UNC13C: variants seen among roughly 807,000 people sequenced by gnomAD.
The protein encoded by UNC13C is protein unc-13 homolog C.
Under a neutral mutation model 245.4 loss-of-function variants are expected in UNC13C, and 174 were observed. The observed-to-expected ratio is 0.71, with a 90% CI of 0.63 to 0.80. The LOEUF is 0.80. Ranked by LOEUF, UNC13C falls within the 30% of genes least tolerant of loss-of-function variation. The pLI is 0.00. For synonymous variants in UNC13C, 992 were observed against 895.1 expected, an observed-to-expected ratio of 1.11 and a Z score of -1.93; for missense variants, 2,829 against 2,602.9, an observed-to-expected ratio of 1.09 and a Z score of -1.89.
At chr15:54,381,484 G>A (rs2039723522) in intron 17 of UNC13C, among the ~76,000 whole-genome samples, 1 of 151,974 alleles carries the variant, frequency 6.6e-6, no homozygotes, top group South Asian at 2.1e-4. Context: ...CTCAATTTCT[G>A]TGAAGAATGC....
At chr15:54,631,708 A>G (rs1901460209), downstream of UNC13C, 1 of 152,200 alleles carries the variant, frequency 6.6e-6, no homozygotes, top group Non-Finnish European at 1.5e-5. Flanking sequence ...GTTGAATAGT[A>G]CTGCACTGTA....
At chr15:54,352,263 A>G (rs1285541967) in intron 17 of UNC13C, among the ~76,000 whole-genome samples, 1 of 148,152 alleles carries the variant, frequency 6.7e-6, no homozygotes, top group Non-Finnish European at 1.5e-5. Flanking sequence ...TTATACAAAT[A>G]TATAACACAT....
At chr15:54,340,475 T>G (rs565148743) in intron 17 of UNC13C, among the ~76,000 whole-genome samples, 1 of 152,196 alleles carries the variant, frequency 6.6e-6, no homozygotes, top group Non-Finnish European at 1.5e-5. Flanking sequence ...AGATGAGAGA[T>G]GAAGATCCAG....
rs564255825 is a variant in UNC13C at position 54,461,881 on chromosome 15, A to C, written c.4934-32727A>C. On this transcript the variant is annotated intron_variant, in intron 19 of 32. Coordinates refer to ENST00000260323, the MANE Select transcript of UNC13C (RefSeq NM_001080534.3). ...GGTTGTTCAATGTTTGAAGAAAAAG[A>C]AGAATACTGGTATGAAATAATAACT... Among the ~76,000 whole-genome samples, 3 of 152,318 alleles carry C rather than the reference A, an allele frequency of 2.0e-5. No homozygotes were observed. The South Asian group carries it at 6.2e-4, about 32-fold the overall frequency.
intron 2 of UNC13C, among the ~76,000 whole-genome samples, chr15:54,110,713 GT>G (rs532379967): frequency 5.9e-5 from 9 of 151,846 alleles, no homozygotes; most frequent in African/African-American, 2.2e-4. Context: ...ATCAAAGTTG[GT>G]TTTTTTTGTG....
In UNC13C at chr15:54,622,411, C is replaced by G. The variant is rs1196884537; in HGVS notation, c.6191C>G (p.Thr2064Ser). 3.1e-6 allele frequency: 5 copies of G among 1,611,672 alleles called. No individual in the cohort carries two copies. Among genetic ancestry groups the G allele is most frequent in the African/African-American group, 2.7e-5 (2 of 74,818 alleles). ...ATPGTGDHKVTVKVIAINDLN... is the reference protein window; with the variant it reads ...ATPGTGDHKVSVKVIAINDLN... ...CCAGGAACGGGAGATCATAAAGTCA[C>G]TGTAAAAGGTATACTTCTGGTCTAG... The change falls in exon 31 of 33, where the codon ACT becomes AGT. Residue 2064 changes from threonine to serine, a missense_variant. Physicochemically the swap from Thr to Ser is moderately conservative, Grantham distance 58. Coordinates refer to ENST00000260323, the MANE Select transcript of UNC13C (RefSeq NM_001080534.3).
intron 10 of UNC13C, among the ~76,000 whole-genome samples, chr15:54,274,666 A>ATTTTTTT (rs1567151983): frequency 2.8e-4 from 22 of 78,260 alleles, no homozygotes; most frequent in African/African-American, 5.7e-4. Flanking sequence ...AATAAAGTAG[A>ATTTTTTT]CTTTTTTTTT....
chr15:53,861,298 A>G, the UNC13C span, among the ~76,000 whole-genome samples: 4 of 152,168 alleles, frequency 2.6e-5, no homozygotes, highest in Non-Finnish European at 4.4e-5. Flanking sequence ...CGAATCAAGT[A>G]TGTTTTATTA....
At chr15:54,293,147 TGGTTCAATAA>T (rs1374971107) in intron 10 of UNC13C, among the ~76,000 whole-genome samples, 11 of 151,810 alleles carry the variant, frequency 7.2e-5, no homozygotes, top group Non-Finnish European at 1.5e-4. Flanking sequence ...TGCAACTAAA[TGGTTCAATAA>T]GTTGCAGGAA....
intron 4 of UNC13C, among the ~76,000 whole-genome samples, chr15:54,220,032 G>C (rs2035173431): frequency 7.1e-6 from 1 of 140,958 alleles, no homozygotes; most frequent in African/African-American, 3.0e-5. Context: ...GTGGAAGTCA[G>C]TGTGGCGATT....
intron 30 of UNC13C, among the ~76,000 whole-genome samples, chr15:54,591,650 C>G (rs1284105785): frequency 1.3e-5 from 2 of 151,976 alleles, no homozygotes. Context: ...TGTTTTGTAT[C>G]TCAGTGAGGT....
the UNC13C span, among the ~76,000 whole-genome samples, chr15:53,955,397 G>A: frequency 1.3e-5 from 2 of 152,046 alleles, no homozygotes; most frequent in Non-Finnish European, 2.9e-5. Flanking sequence ...ATTATGAGAT[G>A]GGGTTATTAA....
At chr15:54,193,745 C>G (rs1056237175) in intron 4 of UNC13C, among the ~76,000 whole-genome samples, 1 of 152,190 alleles carries the variant, frequency 6.6e-6, no homozygotes, top group South Asian at 2.1e-4. Context: ...AAGGCCATCT[C>G]TTAAGAGAAA....
intron 19 of UNC13C, among the ~76,000 whole-genome samples, chr15:54,483,591 C>T (rs528746441): frequency 6.6e-6 from 1 of 152,048 alleles, no homozygotes; most frequent in Non-Finnish European, 1.5e-5. Context: ...CACCTCCCGG[C>T]TTCAAGCCAT....
intron 2 of UNC13C, among the ~76,000 whole-genome samples, chr15:54,052,973 G>A (rs531533938): frequency 1.4e-4 from 22 of 152,228 alleles, no homozygotes; most frequent in Admixed American, 1.4e-3. Flanking sequence ...TAGAAATCCA[G>A]TTGACTCTTA....
intron 30 of UNC13C, among the ~76,000 whole-genome samples, chr15:54,583,354 G>A (rs890651963): frequency 6.6e-6 from 1 of 152,090 alleles, no homozygotes; most frequent in Non-Finnish European, 1.5e-5. Flanking sequence ...ATATTTTCAT[G>A]TAGACTGCAC....
the UNC13C span, among the ~76,000 whole-genome samples, chr15:53,939,927 T>A: frequency 2.6e-5 from 4 of 152,058 alleles, no homozygotes; most frequent in Non-Finnish European, 5.9e-5. Flanking sequence ...GGGTTTATAT[T>A]GGGGAGAGAG....
At chr15:54,018,762 T>TA (rs1420142400) in intron 2 of UNC13C, among the ~76,000 whole-genome samples, 1 of 152,228 alleles carries the variant, frequency 6.6e-6, no homozygotes, top group Non-Finnish European at 1.5e-5. Flanking sequence ...CTCTCATATT[T>TA]ATGTGCATTT....
chr15:54,465,121 C>T (rs1251394439), intron 19 of UNC13C, among the ~76,000 whole-genome samples: 1 of 151,866 alleles, frequency 6.6e-6, no homozygotes, highest in Admixed American at 6.6e-5. Context: ...TGAGGTACCA[C>T]AGCTTGAAAG....
Sources: gnomAD v4.1 joint callset for allele counts (sites outside exome capture counted in the v4.1 genomes callset) on GRCh38, gnomAD v4.1.1 for gene constraint, MANE v1.5 for transcripts, NCBI Gene and HGNC (gene_info 2026-07-23, HGNC 2026-07-21) for gene names.